The following F2RL2 variants were observed in gnomAD, a reference collection of about 807,000 sequenced individuals.
F2RL2 encodes the protein proteinase-activated receptor 3.
In F2RL2, 4 loss-of-function variants were observed where a neutral mutation model predicts 4.3. That is an observed-to-expected ratio of 0.93 (90% CI 0.46 to 2.12). F2RL2 has a LOEUF of 2.12. Among genes scored for constraint, F2RL2 ranks in the 30% most tolerant of loss-of-function variants. The probability of loss-of-function intolerance (pLI) is 0.02; values close to 1 mark genes in which losing one functional copy is unlikely to be tolerated. For missense variants in F2RL2, 408 were observed against 449.3 expected, an observed-to-expected ratio of 0.91 and a Z score of 0.83; for synonymous variants, 166 against 170.9, an observed-to-expected ratio of 0.97 and a Z score of 0.22.
chr5:76,618,700 TTTAA>T, intron 1 of F2RL2, 58 bp from the exon 2 acceptor site: 2 of 1,346,780 alleles, frequency 1.5e-6, no homozygotes, highest in Non-Finnish European at 2.0e-6. Context: ...AGAAAGTGTG[TTTAA>T]TTATTTGTAA....
At position 76,617,541 on chromosome 5, in the gene F2RL2, G is replaced by A. The variant is rs2069701; in HGVS notation, c.*41C>T. On this transcript the variant is annotated 3_prime_UTR_variant, in exon 2 of 2. Coordinates refer to ENST00000296641, the MANE Select transcript of F2RL2 (RefSeq NM_004101.4). ...GCTTATGTTGTTCTTGAAAACAGACGTTCTCTGTGATGGCTGTCCTTGTTC... is the reference window on the plus strand; with the variant it reads ...GCTTATGTTGTTCTTGAAAACAGACATTCTCTGTGATGGCTGTCCTTGTTC... 55 of 1,490,916 alleles carry A rather than the reference G, an allele frequency of 3.7e-5. No individual in the cohort carries two copies. Among genetic ancestry groups the A allele is most frequent in the South Asian group, 5.0e-5 (4 of 79,794 alleles). 92.4% of individuals were successfully genotyped at this position (1,490,916 alleles called of 1,614,324 possible).
At chr5:76,622,184 T>C (rs1749760796) in intron 1 of F2RL2, among the ~76,000 whole-genome samples, 1 of 152,032 alleles carries the variant, frequency 6.6e-6, no homozygotes, top group African/African-American at 2.4e-5. Flanking sequence ...CGTTTTCACC[T>C]CCATCAAACC....
intron 1 of F2RL2, among the ~76,000 whole-genome samples, chr5:76,622,722 A>G (rs1749823492): frequency 1.3e-5 from 2 of 152,192 alleles, no homozygotes; most frequent in African/African-American, 4.8e-5. Flanking sequence ...ACTTATTAGC[A>G]TTGCCAGCTA....
In F2RL2 at chr5:76,620,858, C is replaced by A. The variant is rs533293586; in HGVS notation, c.65-2216G>T. On this transcript the variant is annotated intron_variant, in intron 1 of 1. Coordinates refer to ENST00000296641, the MANE Select transcript of F2RL2 (RefSeq NM_004101.4). ...TAGAAACACATCAACTATATGCTAT[C>A]AATATTTGGTGTTACTTGGCATGTT... Among the ~76,000 whole-genome samples the A allele has an allele frequency of 2.0e-5, 3 of 152,302 alleles. No individual in the cohort carries two copies. In the South Asian group the frequency reaches 6.2e-4, roughly 32 times the overall value.
Position 76,616,154 on chromosome 5 carries a change from T to C in F2RL2, c.*1428A>G, listed in dbSNP as rs1471734647. 1.3e-5 allele frequency: 2 copies of C among 152,454 alleles called. No homozygotes were observed. Among genetic ancestry groups the C allele is most frequent in the African/African-American group, 4.8e-5 (2 of 41,442 alleles). The allele number at this position is 152,454 out of a possible 1,614,324, so 9.4% of individuals were successfully genotyped here. ...TTAAAATTTAAATATAAATGAACTA[T>C]ATATAAATGCCATAATAAAAATATA... On this transcript the variant is annotated 3_prime_UTR_variant, in exon 2 of 2. Coordinates refer to ENST00000296641, the MANE Select transcript of F2RL2 (RefSeq NM_004101.4).
rs1411038367 is a variant in F2RL2, at chr5:76,617,549, T to C, written c.*33A>G. ...TGTTCTTGAAAACAGACGTTCTCTG[T>C]GATGGCTGTCCTTGTTCTCTAAGAT... On this transcript the variant is annotated 3_prime_UTR_variant, in exon 2 of 2. Coordinates refer to ENST00000296641, the MANE Select transcript of F2RL2 (RefSeq NM_004101.4). The C allele has an allele frequency of 6.5e-7, 1 of 1,532,452 alleles. No individual in the cohort carries two copies. Among genetic ancestry groups the C allele is most frequent in the African/African-American group, 1.4e-5 (1 of 72,430 alleles). The allele number at this position is 1,532,452 out of a possible 1,614,324, so 94.9% of individuals were successfully genotyped here. A position where few individuals can be genotyped will look rare whatever the true frequency, so the allele number is the denominator to read the frequency against.
chr5:76,621,340 TTAAAG>T lies in F2RL2; in HGVS notation c.64+1822_64+1826del, dbSNP rs1580639874. The stretch of plus-strand genomic sequence containing the variant: ...CAGGTATCATTTAAGAAAAGGTAGA[TTAAAG>T]AAAAGGAAAGAAAAATTTGGGAGGC... On this transcript the variant is annotated intron_variant, in intron 1 of 1. Transcript: ENST00000296641. Among the ~76,000 whole-genome samples, 8 of 152,234 alleles carry T rather than the reference TTAAAG, an allele frequency of 5.3e-5. No homozygotes were observed. In the East Asian group the frequency reaches 1.4e-3, roughly 26 times the overall value.
Position 76,617,344 on chromosome 5 carries a change from G to A in F2RL2, c.*238C>T, listed in dbSNP as rs550301042. 1 of 400,782 alleles carries A rather than the reference G, an allele frequency of 2.5e-6. No individual in the cohort carries two copies. The highest frequency in any genetic ancestry group is 2.0e-5 in the African/African-American group (1 of 50,270). 24.8% of individuals were successfully genotyped at this position (400,782 alleles called of 1,614,324 possible). A position where few individuals can be genotyped will look rare whatever the true frequency, so the allele number is the denominator to read the frequency against. ...TGTAATCCCAGCTACTTGGGAGGCT[G>A]ACCTGGGAGGCAGAGGTTGCAATGA... On this transcript the variant is annotated 3_prime_UTR_variant, in exon 2 of 2. Coordinates refer to ENST00000296641, the MANE Select transcript of F2RL2 (RefSeq NM_004101.4).
rs777637035 is a variant in F2RL2 at position 76,623,192 on chromosome 5, AAGCAGGAGGCC to A, written c.28_38del (p.Gly10SerfsTer13). 1.9e-6 allele frequency: 3 copies of A among 1,614,218 alleles called. No individual in the cohort carries two copies. On this transcript the variant is annotated frameshift_variant, in exon 1 of 2. Coordinates refer to ENST00000296641, the MANE Select transcript of F2RL2 (RefSeq NM_004101.4). LOFTEE classifies it low-confidence loss of function (END_TRUNC). ...CACTCTGACAAAAAGTGGGCAACAG[AAGCAGGAGGCC>A]AGCAGCTGCAAAGATGAGGGCTTTC...
intron 1 of F2RL2, among the ~76,000 whole-genome samples, chr5:76,620,266 TGTCATCATTCATAGCTCA>T (rs1749508029): frequency 6.6e-6 from 1 of 152,200 alleles, no homozygotes; most frequent in South Asian, 2.1e-4. Flanking sequence ...TGGAGGCTAC[TGTCATCATTCATAGCTCA>T]GTGAGTTACT....
rs776459252 is a variant in F2RL2 at position 76,618,438 on chromosome 5, C to G, written c.269G>C (p.Ser90Thr). 6.2e-7 allele frequency: 1 copy of G among 1,614,188 alleles called. No homozygotes were observed. The highest frequency in any genetic ancestry group is 2.2e-5 in the East Asian group (1 of 44,882). ...VKNATMGYLT[S>T]SLSTKLIPAI... ...AGGTATCAGTTTAGTACTTAAGGAG[C>G]TGGTCAGGTACCCCATGGTAGCATT... Residue 90 changes from serine to threonine, a missense_variant, in exon 2 of 2, where the codon AGC becomes ACC. Coordinates refer to ENST00000296641, the MANE Select transcript of F2RL2 (RefSeq NM_004101.4).
Position 76,617,957 on chromosome 5 carries a change from G to A in F2RL2, c.750C>T (p.Asn250=). The stretch of plus-strand genomic sequence containing the variant: ...GGAAGGGAGATGAGGACTCGCAAGT[G>A]TTGTGAACATCATGGCAGGTGGTGA... ...PDITTCHDVH[N]TCESSSPFQL... Residue 250 remains asparagine (N), a synonymous_variant, in exon 2 of 2, where the codon AAC becomes AAT. Coordinates refer to ENST00000296641, the MANE Select transcript of F2RL2 (RefSeq NM_004101.4). 6.2e-7 allele frequency: 1 copy of A among 1,614,142 alleles called. No individual in the cohort carries two copies. Among genetic ancestry groups the A allele is most frequent in the Non-Finnish European group, 8.5e-7 (1 of 1,180,030 alleles).
In F2RL2 at chr5:76,617,950, C is replaced by G. The variant is rs371830993; in HGVS notation, c.757G>C (p.Glu253Gln). Reference protein sequence around the residue: ...TTCHDVHNTCESSSPFQLYYF... With the variant: ...TTCHDVHNTCQSSSPFQLYYF... ...TAGAGTTGGAAGGGAGATGAGGACT[C>G]GCAAGTGTTGTGAACATCATGGCAG... is the stretch of plus-strand genomic sequence containing the variant. Residue 253 changes from glutamate (E) to glutamine (Q), a missense_variant, in exon 2 of 2, where the codon GAG becomes CAG. By Grantham distance (29) the Glu-to-Gln change is conservative (BLOSUM62 2). Transcript: ENST00000296641. 3.7e-6 allele frequency: 6 copies of G among 1,614,056 alleles called. No homozygotes were observed. The highest frequency in any genetic ancestry group is 5.1e-6 in the Non-Finnish European group (6 of 1,180,006).
Position 76,617,307 on chromosome 5 carries a change from T to C in F2RL2, c.*275A>G, listed in dbSNP as rs1749074202. 2 of 294,352 alleles carry C rather than the reference T, an allele frequency of 6.8e-6. No individual in the cohort carries two copies. Among genetic ancestry groups the C allele is most frequent in the East Asian group, 6.3e-5 (1 of 15,936 alleles). The allele number at this position is 294,352 out of a possible 1,614,324, so 18.2% of individuals were successfully genotyped here. A position where few individuals can be genotyped will look rare whatever the true frequency, so the allele number is the denominator to read the frequency against. ...TAAAAATACAAGTATTTTTAGTAGC[T>C]GGGCATGGTGGTGTAATCCCAGCTA... is the stretch of plus-strand genomic sequence containing the variant. On this transcript the variant is annotated 3_prime_UTR_variant, in exon 2 of 2. Transcript: ENST00000296641.
Position 76,617,496 on chromosome 5 carries a change from A to C in F2RL2, c.*86T>G. ...GAAGCATATTTCTTAGGAGCTCGGAAATGGAGCTCCTTGCACTATGCTTAT... is the reference window on the plus strand; with the variant it reads ...GAAGCATATTTCTTAGGAGCTCGGACATGGAGCTCCTTGCACTATGCTTAT... On this transcript the variant is annotated 3_prime_UTR_variant, in exon 2 of 2. Transcript: ENST00000296641. The C allele has an allele frequency of 1.0e-5, 10 of 968,830 alleles. No individual in the cohort carries two copies. The highest frequency in any genetic ancestry group is 1.5e-5 in the Non-Finnish European group (10 of 646,132). The allele number at this position is 968,830 out of a possible 1,614,324, so 60.0% of individuals were successfully genotyped here. A position where few individuals can be genotyped will look rare whatever the true frequency, so the allele number is the denominator to read the frequency against.
chr5:76,618,594 T>G lies in F2RL2; in HGVS notation c.113A>C (p.Lys38Thr). The stretch of plus-strand genomic sequence containing the variant: ...ATTTGGGGGAGCTCCACGAAAGGTC[T>G]TAATGGGTAAGGTTGGCTTTGCCAA... ...NNLAKPTLPIKTFRGAPPNSF... is the reference protein window; with the variant it reads ...NNLAKPTLPITTFRGAPPNSF... The change falls in exon 2 of 2, where the codon AAG (lysine) becomes ACG (threonine). Residue 38 changes from lysine to threonine, a missense_variant. By Grantham distance (78) the Lys-to-Thr change is moderately conservative. Coordinates refer to ENST00000296641, the MANE Select transcript of F2RL2 (RefSeq NM_004101.4). The G allele has an allele frequency of 6.2e-7, 1 of 1,614,032 alleles. No homozygotes were observed. The highest frequency in any genetic ancestry group is 8.5e-7 in the Non-Finnish European group (1 of 1,180,008).
In F2RL2 at chr5:76,623,295, A is replaced by G; in HGVS notation, c.-65T>C. ...CTGTAAAATCATGGAGCACAATTTC[A>G]CCTCAGTTCCATGTGTCAGCAGCAA... On this transcript the variant is annotated 5_prime_UTR_variant, in exon 1 of 2. The change abolishes the stop of an existing upstream ORF in the 5' untranslated region. Coordinates refer to ENST00000296641, the MANE Select transcript of F2RL2 (RefSeq NM_004101.4). 1.3e-6 allele frequency: 2 copies of G among 1,575,156 alleles called. No individual in the cohort carries two copies. Among genetic ancestry groups the G allele is most frequent in the South Asian group, 2.2e-5 (2 of 90,156 alleles).
rs1295895773 is a variant in F2RL2 at position 76,618,051 on chromosome 5, G to A, written c.656C>T (p.Ala219Val). ...YALVTCGLVW[A>V]TVFLYMLPFF... is the part of the protein sequence containing the mutation. ...TGGCAGCATATATAAGAAAACTGTT[G>A]CCCACACCAGTCCACATGTTACCAA... Residue 219 changes from alanine (A) to valine (V), a missense_variant, in exon 2 of 2, where the codon GCA (alanine) becomes GTA (valine). Transcript: ENST00000296641. 1 of 1,614,142 alleles carries A rather than the reference G, an allele frequency of 6.2e-7. No individual in the cohort carries two copies. Among genetic ancestry groups the A allele is most frequent in the African/African-American group, 1.3e-5 (1 of 75,054 alleles).
chr5:76,617,684 G>T lies in F2RL2; in HGVS notation c.1023C>A (p.Leu341=). ...NNTDGLYFIY[L]IALCLGSLNS... ...TAAGACTACCCAGGCACAAAGCTAT[G>T]AGATATATAAAATATAAGCCATCAG... is the stretch of plus-strand genomic sequence containing the variant. Residue 341 remains leucine (L), a synonymous_variant, in exon 2 of 2, where the codon CTC becomes CTA. Transcript: ENST00000296641. 6.2e-7 allele frequency: 1 copy of T among 1,614,032 alleles called. No individual in the cohort carries two copies. Among genetic ancestry groups the T allele is most frequent in the Non-Finnish European group, 8.5e-7 (1 of 1,179,972 alleles).
Sources: allele counts gnomAD v4.1 joint callset (sites outside exome capture counted in the v4.1 genomes callset), GRCh38; gene constraint gnomAD v4.1.1; transcripts MANE v1.5; gene names NCBI Gene and HGNC (gene_info 2026-07-23, HGNC 2026-07-21).